The following SPPL3 variants were observed in gnomAD, a reference collection of about 807,000 sequenced individuals.
SPPL3 encodes the protein signal peptide peptidase like 3.
In SPPL3, 5 loss-of-function variants were observed where a neutral mutation model predicts 42.4. The observed-to-expected ratio is 0.12, with a 90% CI of 0.06 to 0.25. The LOEUF (loss-of-function observed/expected upper bound fraction) is 0.25, where lower values mean the gene tolerates loss of function less well. Ranked by LOEUF, SPPL3 falls within the 10% of genes least tolerant of loss-of-function variation. The probability of loss-of-function intolerance (pLI) is 1.00; values close to 1 mark genes in which losing one functional copy is unlikely to be tolerated. For missense variants in SPPL3, 235 were observed against 489.0 expected (o/e 0.48, Z 4.90); for synonymous variants, 195 against 181.8 (o/e 1.07, Z -0.58).
chr12:120,892,572 AAAGGAAAT>A (rs1390827511), intron 1 of SPPL3, among the ~76,000 whole-genome samples: 2 of 152,230 alleles, frequency 1.3e-5, no homozygotes, highest in Admixed American at 6.5e-5. Context: ...CGTAATATTT[AAAGGAAAT>A]ATAGGGAAGC....
chr12:120,818,929 C>T (rs1870966517), intron 1 of SPPL3, among the ~76,000 whole-genome samples: 1 of 152,136 alleles, frequency 6.6e-6, no homozygotes, highest in Non-Finnish European at 1.5e-5. Context: ...TTAAGCGAGA[C>T]AAGGAACATT....
At position 120,768,594 on chromosome 12, in the gene SPPL3, C is replaced by CA. The variant is rs1868992255; in HGVS notation, c.610-107dup. 5 of 1,267,872 alleles carry CA rather than the reference C, an allele frequency of 3.9e-6. No homozygotes were observed. In the South Asian group the frequency reaches 7.0e-5, roughly 18 times the overall value. 78.5% of individuals were successfully genotyped at this position (1,267,872 alleles called of 1,614,324 possible). On this transcript the variant is annotated intron_variant, in intron 7 of 10. Coordinates refer to ENST00000353487, the MANE Select transcript of SPPL3 (RefSeq NM_139015.5). ...GCAGAGTCTCAGAATGCTGTGACTG[C>CA]AATGCTTTCGTTGACTGTATGATTT...
At chr12:120,852,373 T>C (rs965372117) in intron 1 of SPPL3, among the ~76,000 whole-genome samples, 1 of 62,308 alleles carries the variant, frequency 1.6e-5, no homozygotes, top group Non-Finnish European at 3.6e-5. Flanking sequence ...AATATATGTA[T>C]ATATAATATA....
intron 1 of SPPL3, among the ~76,000 whole-genome samples, chr12:120,829,466 T>C (rs1197726948): frequency 6.6e-6 from 1 of 151,780 alleles, no homozygotes; most frequent in Non-Finnish European, 1.5e-5. Flanking sequence ...CATGATGGTA[T>C]ATACCTGCAG....
At chr12:120,806,561 T>C (rs1024244952) in intron 2 of SPPL3, among the ~76,000 whole-genome samples, 2 of 152,076 alleles carry the variant, frequency 1.3e-5, no homozygotes, top group Admixed American at 6.6e-5. Context: ...AAAGAAAACG[T>C]AGGAGAGCCA....
chr12:120,802,036 T>A (rs1870314010), intron 2 of SPPL3, among the ~76,000 whole-genome samples: 1 of 152,156 alleles, frequency 6.6e-6, no homozygotes, highest in African/African-American at 2.4e-5. Context: ...CTGGTTATAT[T>A]TGCCCTAAAT....
chr12:120,849,146 C>A (rs748038715), intron 1 of SPPL3, among the ~76,000 whole-genome samples: 1 of 151,810 alleles, frequency 6.6e-6, no homozygotes, highest in Non-Finnish European at 1.5e-5. Context: ...CCAGCCTGAG[C>A]AACAGAGATC....
intron 3 of SPPL3, among the ~76,000 whole-genome samples, chr12:120,787,658 CTT>C (rs746997968): frequency 5.3e-5 from 8 of 152,236 alleles, no homozygotes; most frequent in Non-Finnish European, 1.0e-4. Context: ...TCAATCACTA[CTT>C]TCTCTCTCTC....
intron 1 of SPPL3, among the ~76,000 whole-genome samples, chr12:120,847,762 A>T (rs1401816212): frequency 6.6e-6 from 1 of 152,072 alleles, no homozygotes; most frequent in Non-Finnish European, 1.5e-5. Flanking sequence ...ACTGCCTTTG[A>T]ATCTAGTAAA....
At chr12:120,866,350 A>G (rs962915652) in intron 1 of SPPL3, among the ~76,000 whole-genome samples, 1 of 151,270 alleles carries the variant, frequency 6.6e-6, no homozygotes, top group Non-Finnish European at 1.5e-5. Context: ...AACTTAAGGG[A>G]AAGAGCCTGG....
intron 1 of SPPL3, among the ~76,000 whole-genome samples, chr12:120,814,810 C>T (rs1006871828): frequency 6.6e-6 from 1 of 152,154 alleles, no homozygotes; most frequent in African/African-American, 2.4e-5. Context: ...TTTCTCACCA[C>T]TTCTTATGAA....
At chr12:120,893,340 C>T (rs568535013) in intron 1 of SPPL3, among the ~76,000 whole-genome samples, 1 of 152,080 alleles carries the variant, frequency 6.6e-6, no homozygotes, top group South Asian at 2.1e-4. Flanking sequence ...GTCCCAGCTA[C>T]TTGGGAGGCT....
intron 1 of SPPL3, among the ~76,000 whole-genome samples, chr12:120,847,851 A>G (rs1188758036): frequency 6.6e-6 from 1 of 151,922 alleles, no homozygotes; most frequent in Non-Finnish European, 1.5e-5. Context: ...TACCATAATC[A>G]CCCTGGGTGT....
intron 1 of SPPL3, among the ~76,000 whole-genome samples, chr12:120,835,907 G>C (rs1051549476): frequency 1.1e-4 from 17 of 152,078 alleles, no homozygotes; most frequent in African/African-American, 3.6e-4. Flanking sequence ...CTTAAATTCT[G>C]GCAACTTCCC....
chr12:120,865,833 C>G (rs1217524922), intron 1 of SPPL3, among the ~76,000 whole-genome samples: 2 of 152,230 alleles, frequency 1.3e-5, no homozygotes, highest in African/African-American at 4.8e-5. Flanking sequence ...TAGGAGGAGA[C>G]AGGCAGGCAA....
intron 1 of SPPL3, among the ~76,000 whole-genome samples, chr12:120,813,465 C>G (rs934794600): frequency 6.6e-6 from 1 of 151,576 alleles, no homozygotes; most frequent in Non-Finnish European, 1.5e-5. Flanking sequence ...TTACAGGCGC[C>G]CCCCCACCAC....
intron 1 of SPPL3, among the ~76,000 whole-genome samples, chr12:120,843,374 T>A (rs184834216): frequency 5.4e-4 from 82 of 152,332 alleles, no homozygotes; most frequent in Middle Eastern, 3.4e-3. Flanking sequence ...TCTACTCTAC[T>A]GAGAATGTGC....
intron 1 of SPPL3, among the ~76,000 whole-genome samples, chr12:120,843,044 C>A (rs1871884862): frequency 6.6e-6 from 1 of 152,124 alleles, no homozygotes; most frequent in Admixed American, 6.5e-5. Context: ...CTAGTAGACT[C>A]AGTTAGTTAG....
chr12:120,807,146 A>G (rs1566047332), intron 2 of SPPL3, among the ~76,000 whole-genome samples: 1 of 152,178 alleles, frequency 6.6e-6, no homozygotes, highest in Non-Finnish European at 1.5e-5. Context: ...ATGGTTAATA[A>G]GCACAGGAAA....
Sources: allele counts gnomAD v4.1 joint callset (sites outside exome capture counted in the v4.1 genomes callset), GRCh38; gene constraint gnomAD v4.1.1; transcripts MANE v1.5; gene names NCBI Gene and HGNC (gene_info 2026-07-23, HGNC 2026-07-21).